Variants in DGKK observed in about 807,000 individuals in gnomAD.
DGKK encodes 142 kDa diacylglycerol kinase.
A neutral mutation model predicts 92.2 loss-of-function variants in DGKK; 35 were observed. That is an observed-to-expected ratio of 0.38 (90% CI 0.29 to 0.50). The LOEUF is 0.50. Ranked by LOEUF, DGKK falls within the 20% of genes least tolerant of loss-of-function variation. DGKK has a pLI of 0.92. For missense variants in DGKK, 910 were observed against 992.2 expected (o/e 0.92, Z 1.11); for synonymous variants, 368 against 360.6 (o/e 1.02, Z -0.23).
intron 11 of DGKK, among the ~76,000 whole-genome samples, 169 bp downstream of exon 11, chrX:50,391,268 C>T (rs782748266): frequency 3.5e-4 from 39 of 111,180 alleles, no homozygotes; most frequent in Non-Finnish European, 7.0e-4. Flanking sequence ...CATGGTAGAC[C>T]CTGGCTTCCC....
rs1219362156 is a variant in DGKK, at chrX:50,424,444, C to G, written c.646-86G>C. 4.1e-5 allele frequency: 33 copies of G among 811,638 alleles called. No individual in the cohort carries two copies. The Admixed American group carries it at 9.3e-4, about 23-fold the overall frequency. 66.9% of individuals were successfully genotyped at this position (811,638 alleles called of 1,213,427 possible). ...TTTCTCAGATGGAAACAGCAGATAT[C>G]TAGAAGGCTCTATCTTGTCACATAT... is the stretch of plus-strand genomic sequence containing the variant. On this transcript the variant is annotated intron_variant, in intron 1 of 27. Coordinates refer to ENST00000611977, the MANE Select transcript of DGKK (RefSeq NM_001013742.4).
Position 50,470,716 on chromosome X carries a change from C to T in DGKK, c.-38G>A, listed in dbSNP as rs898374707. ...CTTCAGGTCTGGGCAGCCTGAGTCC[C>T]TAAGCCTGGAAGGCTAAAGTACCCT... On this transcript the variant is annotated 5_prime_UTR_variant, in exon 1 of 28. Coordinates refer to ENST00000611977, the MANE Select transcript of DGKK (RefSeq NM_001013742.4). 9.2e-7 allele frequency: 1 copy of T among 1,085,226 alleles called. No individual in the cohort carries two copies. The highest frequency in any genetic ancestry group is 3.8e-5 in the Admixed American group (1 of 26,134). 89.4% of individuals were successfully genotyped at this position (1,085,226 alleles called of 1,213,427 possible). A position where few individuals can be genotyped will look rare whatever the true frequency, so the allele number is the denominator to read the frequency against.
At position 50,376,774 on chromosome X, in the gene DGKK, C is replaced by T; in HGVS notation, c.3256G>A (p.Glu1086Lys). The T allele has an allele frequency of 8.4e-7, 1 of 1,192,993 alleles. No homozygotes were observed. Among genetic ancestry groups the T allele is most frequent in the East Asian group, 3.0e-5 (1 of 33,446 alleles). Residue 1086 changes from glutamate (E) to lysine (K), a missense_variant, in exon 23 of 28, where the codon GAA (glutamate) becomes AAA (lysine). Glu to Lys is a moderately conservative substitution (Grantham distance 56, BLOSUM62 1). Transcript: ENST00000611977. Reference sequence around the variant, plus strand: ...TCCACTTACTTGCTGATGAGGTTTTCTGCAAGCCGAGCTAAGTGCTGCATC... The same window carrying T: ...TCCACTTACTTGCTGATGAGGTTTTTTGCAAGCCGAGCTAAGTGCTGCATC... ...AQMQHLARLAENLISKLNDLS... is the reference protein window; with the variant it reads ...AQMQHLARLAKNLISKLNDLS...
At chrX:50,425,306 T>C (rs1925708046) in intron 1 of DGKK, among the ~76,000 whole-genome samples, 2 of 111,425 alleles carry the variant, frequency 1.8e-5, no homozygotes, top group South Asian at 7.6e-4. Context: ...TGGTAATATT[T>C]GAAAGGTGGA....
At chrX:50,403,774 T>A (rs1428621599) in intron 5 of DGKK, among the ~76,000 whole-genome samples, 177 bp from the exon 6 acceptor site, 9 of 111,998 alleles carry the variant, frequency 8.0e-5, no homozygotes, top group African/African-American at 2.6e-4. Flanking sequence ...CTGGCTAATC[T>A]TTTTATTATC....
At chrX:50,468,427 T>C (rs1926964783) in intron 1 of DGKK, among the ~76,000 whole-genome samples, 2 of 111,006 alleles carry the variant, frequency 1.8e-5, no homozygotes, top group Admixed American at 1.9e-4. Flanking sequence ...GAGGGTGAGC[T>C]CCCAAATCTA....
intron 1 of DGKK, 128 bp downstream of exon 1, chrX:50,469,906 T>C: frequency 9.6e-7 from 1 of 1,045,689 alleles, no homozygotes; most frequent in Admixed American, 4.0e-5. Flanking sequence ...TCCCTGCATC[T>C]TTCTCAGCAT....
chrX:50,382,176 C>G (rs1924429690), intron 18 of DGKK, among the ~76,000 whole-genome samples: 1 of 112,510 alleles, frequency 8.9e-6, no homozygotes, highest in Admixed American at 9.4e-5. Context: ...CCTGGTTAAA[C>G]TTTCACAGAC....
chrX:50,455,066 C>A (rs1926577629), intron 1 of DGKK, among the ~76,000 whole-genome samples: 1 of 112,028 alleles, frequency 8.9e-6, no homozygotes, highest in Non-Finnish European at 1.9e-5. Context: ...TGGGGACCTA[C>A]TAGGTCTTCA....
intron 4 of DGKK, among the ~76,000 whole-genome samples, chrX:50,405,551 A>C (rs1925130801): frequency 9.1e-6 from 1 of 110,403 alleles, no homozygotes; most frequent in African/African-American, 3.3e-5. Context: ...AGAGAGAGAG[A>C]GAGAGAGCTA....
At chrX:50,397,749 G>A (rs1435680296) in intron 8 of DGKK, among the ~76,000 whole-genome samples, 3 of 112,197 alleles carry the variant, frequency 2.7e-5, no homozygotes, top group Non-Finnish European at 3.8e-5. Context: ...TTCAGTAAAT[G>A]TATTAAGGAA....
At chrX:50,388,763 AT>A in intron 12 of DGKK, 145 bp from the exon 13 acceptor site, 1 of 423,418 alleles carries the variant, frequency 2.4e-6, no homozygotes, top group East Asian at 4.0e-5. Context: ...TGATCAAAGA[AT>A]TCTTGTTGAA....
Position 50,368,240 on chromosome X carries a change from A to C in DGKK, c.*700T>G, listed in dbSNP as rs1924020982. On this transcript the variant is annotated 3_prime_UTR_variant, in exon 28 of 28. Transcript: ENST00000611977. Reference sequence around the variant, plus strand: ...GCCTGTATGGTTGCCATGAGGGGTGAGTTCCAACCAATGAGCCCACCAGAG... The same window carrying C: ...GCCTGTATGGTTGCCATGAGGGGTGCGTTCCAACCAATGAGCCCACCAGAG... The C allele has an allele frequency of 9.0e-6, 1 of 110,712 alleles. No individual in the cohort carries two copies. The allele number at this position is 110,712 out of a possible 1,213,427, so 9.1% of individuals were successfully genotyped here.
At chrX:50,438,236 C>T (rs1926084042) in intron 1 of DGKK, among the ~76,000 whole-genome samples, 1 of 111,234 alleles carries the variant, frequency 9.0e-6, no homozygotes, top group African/African-American at 3.3e-5. Context: ...CCTTCCACCC[C>T]TCCATGCATA....
At chrX:50,404,397 A>T (rs1269010728) in intron 4 of DGKK, among the ~76,000 whole-genome samples, 1 of 110,136 alleles carries the variant, frequency 9.1e-6, no homozygotes, top group South Asian at 4.0e-4. Flanking sequence ...AAAGAAAAAT[A>T]ATAGAGGGGC....
intron 8 of DGKK, among the ~76,000 whole-genome samples, chrX:50,393,894 TC>T (rs782297117): frequency 7.1e-5 from 8 of 112,362 alleles, no homozygotes; most frequent in African/African-American, 2.6e-4. Context: ...AGAGCTTTAA[TC>T]ACTTCTCTAA....
chrX:50,448,640 G>A (rs1484234254), intron 1 of DGKK, among the ~76,000 whole-genome samples: 3 of 111,281 alleles, frequency 2.7e-5, no homozygotes, highest in African/African-American at 9.8e-5. Flanking sequence ...TTGTTCTTCC[G>A]AGAGTCTGTA....
In DGKK at chrX:50,401,146, C is replaced by T. The variant is rs782742651; in HGVS notation, c.1309-7G>A. ...TCCTACAGTCATCATGCACCTGAAA[C>T]GACAAGAGAAGAGCAGAGAAAAAAA... On this transcript the variant is annotated splice_polypyrimidine_tract_variant and splice_region_variant and intron_variant, in intron 7 of 27. Coordinates refer to ENST00000611977, the MANE Select transcript of DGKK (RefSeq NM_001013742.4). The T allele has an allele frequency of 1.9e-5, 23 of 1,182,899 alleles. No individual in the cohort carries two copies. The highest frequency in any genetic ancestry group is 1.2e-4 in the Admixed American group (5 of 42,769).
intron 1 of DGKK, among the ~76,000 whole-genome samples, chrX:50,452,155 G>T (rs1368878254): frequency 1.8e-5 from 2 of 111,432 alleles, no homozygotes; most frequent in East Asian, 2.9e-4. Context: ...GTGAGTGAGG[G>T]TCTTTGCCCA....
Sources: allele counts gnomAD v4.1 joint callset (sites outside exome capture counted in the v4.1 genomes callset), GRCh38; gene constraint gnomAD v4.1.1; transcripts MANE v1.5; gene names NCBI Gene and HGNC (gene_info 2026-07-23, HGNC 2026-07-21).